The following EIF6 variants were observed in gnomAD, a reference collection of about 807,000 sequenced individuals.
EIF6 encodes eukaryotic translation initiation factor 6.
In EIF6, 10 loss-of-function variants were observed where a neutral mutation model predicts 25.5. The observed-to-expected ratio is 0.39, with a 90% CI of 0.24 to 0.66. EIF6 has a LOEUF of 0.66. Ranked by LOEUF, EIF6 falls within the 30% of genes least tolerant of loss-of-function variation. The pLI is 0.45. For synonymous variants in EIF6, 122 were observed against 122.6 expected (o/e 1.00, Z 0.03); for missense variants, 246 against 315.4 (o/e 0.78, Z 1.67).
intron 4 of EIF6, 135 bp downstream of exon 4, chr20:35,280,519 G>A (rs1021849155): frequency 9.5e-7 from 1 of 1,048,154 alleles, no homozygotes; most frequent in Non-Finnish European, 1.4e-6. Flanking sequence ...CTATTCCAAT[G>A]AGTACCTGAA....
chr20:35,284,358 A>G, intron 2 of EIF6, 23 bp downstream of exon 2: 1 of 1,613,508 alleles, frequency 6.2e-7, no homozygotes, highest in South Asian at 1.1e-5. Flanking sequence ...CCGCCACCGT[A>G]AGCCCCGGGG....
At position 35,284,475 on chromosome 20, in the gene EIF6, C is replaced by A. The variant is rs1238602635; in HGVS notation, c.13G>T (p.Ala5Ser). The A allele has an allele frequency of 1.9e-6, 3 of 1,607,792 alleles. No homozygotes were observed. The highest frequency in any genetic ancestry group is 2.2e-5 in the East Asian group (1 of 44,740). The change falls in exon 2 of 7, where the codon GCT becomes TCT. Residue 5 changes from alanine (A) to serine (S), a missense_variant. Ala to Ser is a moderately conservative substitution (Grantham distance 99). Coordinates refer to ENST00000374450, the MANE Select transcript of EIF6 (RefSeq NM_002212.4). ...ATCTCACAGTTGTTCTCGAACGAAG[C>A]TCGGACCGCCATGAGGCCTAGGGGC... MAVRASFENNCEIGC... is the reference protein window; with the variant it reads MAVRSSFENNCEIGC...
In EIF6 at chr20:35,279,608, G is replaced by T. The variant is rs767067499; in HGVS notation, c.686C>A (p.Pro229His). The T allele has an allele frequency of 3.1e-6, 5 of 1,614,194 alleles. No homozygotes were observed. Among genetic ancestry groups the T allele is most frequent in the Admixed American group, 1.7e-5 (1 of 60,028 alleles). ...CCGCATGCTGGTGGCAATGGTGCTA[G>T]GCTGGGCTTCATTCAGCTTGAAGAC... ...ESVFKLNEAQ[P>H]STIATSMRDS... Residue 229 changes from proline to histidine, a missense_variant, in exon 6 of 7, where the codon CCT (proline) becomes CAT (histidine). Transcript: ENST00000374450.
In EIF6 at chr20:35,279,702, C is replaced by T; in HGVS notation, c.592G>A (p.Val198Met). 1 of 1,614,210 alleles carries T rather than the reference C, an allele frequency of 6.2e-7. No individual in the cohort carries two copies. The highest frequency in any genetic ancestry group is 1.1e-5 in the South Asian group (1 of 91,088). The change falls in exon 6 of 7, where the codon GTG becomes ATG. Residue 198 changes from valine (V) to methionine (M), a missense_variant. Coordinates refer to ENST00000374450, the MANE Select transcript of EIF6 (RefSeq NM_002212.4). ...CAGAAGGCACACCAGTCATTCACCACCATCCCAGCAGCAATCACCTCACTG... is the reference window on the plus strand; with the variant it reads ...CAGAAGGCACACCAGTCATTCACCATCATCCCAGCAGCAATCACCTCACTG... ...RGSEVIAAGM[V>M]VNDWCAFCGL... is the part of the protein sequence containing the mutation.
At position 35,279,584 on chromosome 20, in the gene EIF6, C is replaced by G; in HGVS notation, c.710G>C (p.Arg237Pro). The G allele has an allele frequency of 6.2e-7, 1 of 1,614,054 alleles. No homozygotes were observed. Among genetic ancestry groups the G allele is most frequent in the Non-Finnish European group, 8.5e-7 (1 of 1,180,034 alleles). ...CAGGTACCTGTCAATGAGGGAATCC[C>G]GCATGCTGGTGGCAATGGTGCTAGG... The part of the protein sequence containing the change: ...AQPSTIATSM[R>P]DSLIDSLT Residue 237 changes from arginine (R) to proline (P), a missense_variant, in exon 6 of 7, where the codon CGG (arginine) becomes CCG (proline). By Grantham distance (103) the Arg-to-Pro change is moderately radical. Transcript: ENST00000374450.
At chr20:35,279,777 C>G in intron 5 of EIF6, 30 bp from the exon 6 acceptor site, 1 of 1,611,472 alleles carries the variant, frequency 6.2e-7, no homozygotes, top group Non-Finnish European at 8.5e-7. Context: ...ATGTGAGTCA[C>G]GGCACCAAAT....
At position 35,279,762 on chromosome 20, in the gene EIF6, G is replaced by A; in HGVS notation, c.547-15C>T. On this transcript the variant is annotated splice_polypyrimidine_tract_variant and intron_variant, in intron 5 of 6. Transcript: ENST00000374450. ...ACAGTCCCCGCCTGCCAAGGGATGGGCTCAATGTGAGTCACGGCACCAAAT... is the reference window on the plus strand; with the variant it reads ...ACAGTCCCCGCCTGCCAAGGGATGGACTCAATGTGAGTCACGGCACCAAAT... 8 of 1,613,220 alleles carry A rather than the reference G, an allele frequency of 5.0e-6. No individual in the cohort carries two copies. Among genetic ancestry groups the A allele is most frequent in the Non-Finnish European group, 6.8e-6 (8 of 1,179,282 alleles).
At chr20:35,281,666 G>A (rs1420700441) in intron 3 of EIF6, among the ~76,000 whole-genome samples, 6 of 151,626 alleles carry the variant, frequency 4.0e-5, no homozygotes, top group African/African-American at 9.7e-5. Context: ...GGCTGGTCTC[G>A]AACTCCTAAC....
chr20:35,284,502 G>T lies in EIF6; in HGVS notation c.-5-10C>A, dbSNP rs1405884288. 6.3e-7 allele frequency: 1 copy of T among 1,587,716 alleles called. No individual in the cohort carries two copies. The highest frequency in any genetic ancestry group is 1.7e-5 in the Admixed American group (1 of 58,736). ...CGGACCGCCATGAGGCCTAGGGGCGGCGGAGGCGGGAGTTCAAGGCCGGCG... is the reference window on the plus strand; with the variant it reads ...CGGACCGCCATGAGGCCTAGGGGCGTCGGAGGCGGGAGTTCAAGGCCGGCG... On this transcript the variant is annotated splice_polypyrimidine_tract_variant and intron_variant, in intron 1 of 6. Transcript: ENST00000374450.
At chr20:35,282,565 T>G (rs1450830656) in intron 3 of EIF6, among the ~76,000 whole-genome samples, 1 of 152,164 alleles carries the variant, frequency 6.6e-6, no homozygotes, top group Non-Finnish European at 1.5e-5. Flanking sequence ...GAAAATACTT[T>G]GAGGTCACTA....
chr20:35,279,485 T>C (rs1600819249), intron 6 of EIF6, 81 bp downstream of exon 6: 5 of 1,562,692 alleles, frequency 3.2e-6, no homozygotes, highest in East Asian at 4.5e-5. Flanking sequence ...GCTCCCATTC[T>C]AGATGACATC....
intron 4 of EIF6, among the ~76,000 whole-genome samples, chr20:35,280,353 A>G (rs1421498245): frequency 6.6e-6 from 1 of 152,154 alleles, no homozygotes; most frequent in Non-Finnish European, 1.5e-5. Context: ...TGGTCTCAAT[A>G]TCACTTCTTT....
chr20:35,284,605 C>A, intron 1 of EIF6, 113 bp from the exon 2 acceptor site: 3 of 1,267,562 alleles, frequency 2.4e-6, no homozygotes, highest in Middle Eastern at 5.5e-4. Flanking sequence ...CCGGCCCCTC[C>A]GTCCTCGGGT....
At chr20:35,281,340 C>T (rs1354691795) in intron 3 of EIF6, among the ~76,000 whole-genome samples, 2 of 150,488 alleles carry the variant, frequency 1.3e-5, no homozygotes, top group Non-Finnish European at 1.5e-5. Flanking sequence ...GAGCCGAGAT[C>T]GCGCCACTGC....
intron 4 of EIF6, among the ~76,000 whole-genome samples, chr20:35,280,341 G>T (rs1354582458): frequency 6.6e-6 from 1 of 152,176 alleles, no homozygotes; most frequent in Non-Finnish European, 1.5e-5. Context: ...ACAGCTGGAG[G>T]CTGGTCTCAA....
intron 3 of EIF6, among the ~76,000 whole-genome samples, chr20:35,282,137 C>T (rs2060780667): frequency 2.0e-5 from 3 of 151,762 alleles, no homozygotes; most frequent in East Asian, 1.9e-4. Context: ...TACAGGCACC[C>T]GCCACCACAC....
chr20:35,283,919 T>C (rs867865380), intron 3 of EIF6, among the ~76,000 whole-genome samples: 2 of 152,204 alleles, frequency 1.3e-5, no homozygotes, highest in African/African-American at 4.8e-5. Context: ...CAGTAACTCC[T>C]ACCTTCTAGT....
chr20:35,284,583 CCT>C lies in EIF6; in HGVS notation c.-5-93_-5-92del, dbSNP rs938825932. 2.3e-4 allele frequency: 331 copies of C among 1,430,704 alleles called. 2 individuals are homozygous for C. Among genetic ancestry groups the C allele is most frequent in the Middle Eastern group, 2.1e-3 (9 of 4,276 alleles). 88.6% of individuals were successfully genotyped at this position (1,430,704 alleles called of 1,614,324 possible). On this transcript the variant is annotated intron_variant, in intron 1 of 6. Coordinates refer to ENST00000374450, the MANE Select transcript of EIF6 (RefSeq NM_002212.4). ...CCTCAGGCCCCGCCGCGACCCCGCC[CCT>C]CTCGGCCTCCCGGCCCCTCCGTCCT...
Position 35,280,643 on chromosome 20 carries a change from G to A in EIF6, c.369+11C>T. 6.2e-7 allele frequency: 1 copy of A among 1,611,900 alleles called. No homozygotes were observed. The highest frequency in any genetic ancestry group is 8.5e-7 in the Non-Finnish European group (1 of 1,179,002). ...GCCCTGTGACTCTTGGGTCAAGTTGGGCTGCCTCACCCTGTCCAAGTCTGG... is the reference window on the plus strand; with the variant it reads ...GCCCTGTGACTCTTGGGTCAAGTTGAGCTGCCTCACCCTGTCCAAGTCTGG... On this transcript the variant is annotated intron_variant, in intron 4 of 6. Coordinates refer to ENST00000374450, the MANE Select transcript of EIF6 (RefSeq NM_002212.4).
Sources: allele counts gnomAD v4.1 joint callset (sites outside exome capture counted in the v4.1 genomes callset), GRCh38; gene constraint gnomAD v4.1.1; transcripts MANE v1.5; gene names NCBI Gene and HGNC (gene_info 2026-07-23, HGNC 2026-07-21).